ERCC6: variants seen among roughly 807,000 people sequenced by gnomAD.
ERCC6 encodes the protein DNA excision repair protein ERCC-6.
ERCC6 carries 116 observed loss-of-function variants against 158.7 expected under a neutral mutation model. The observed-to-expected ratio is 0.73, with a 90% CI of 0.63 to 0.85. The LOEUF (loss-of-function observed/expected upper bound fraction) is 0.85, where lower values mean the gene tolerates loss of function less well. Ranked by LOEUF, ERCC6 falls within the 40% of genes least tolerant of loss-of-function variation. The probability of loss-of-function intolerance (pLI) is 0.00; values close to 1 mark genes in which losing one functional copy is unlikely to be tolerated. For missense variants in ERCC6, 1,698 were observed against 1,799.4 expected (o/e 0.94, Z 1.02); for synonymous variants, 678 against 659.3 (o/e 1.03, Z -0.43).
chr10:49,478,351 G>C lies in ERCC6; in HGVS notation c.2286+3C>G. ...TGCTTCGTTAACTCCTGGATTTACA[G>C]ACCTGTTCATTTTTATCTGGCAAAG... On this transcript the variant is annotated splice_donor_region_variant and intron_variant, in intron 11 of 20. Transcript: ENST00000355832. 1 of 1,575,456 alleles carries C rather than the reference G, an allele frequency of 6.3e-7. No individual in the cohort carries two copies. The highest frequency in any genetic ancestry group is 8.7e-7 in the Non-Finnish European group (1 of 1,144,786).
chr10:49,532,460 G>A, intron 2 of ERCC6, 83 bp downstream of exon 2: 8 of 1,594,146 alleles, frequency 5.0e-6, no homozygotes, highest in Non-Finnish European at 6.8e-6. Flanking sequence ...CTAAACTTCT[G>A]GAATACTAGA....
chr10:49,538,783 T>G (rs1837665875), intron 1 of ERCC6, among the ~76,000 whole-genome samples, 179 bp downstream of exon 1: 1 of 152,196 alleles, frequency 6.6e-6, no homozygotes, highest in Non-Finnish European at 1.5e-5. Flanking sequence ...CTACTTCCGG[T>G]CTCAGGTGAG....
At chr10:49,525,390 T>C (rs1837291371) in intron 4 of ERCC6, among the ~76,000 whole-genome samples, 1 of 152,216 alleles carries the variant, frequency 6.6e-6, no homozygotes, top group Admixed American at 6.5e-5. Flanking sequence ...TAATGGCTAC[T>C]ATAATGGGCA....
intron 4 of ERCC6, among the ~76,000 whole-genome samples, chr10:49,525,448 C>G (rs918250446): frequency 6.6e-6 from 1 of 152,148 alleles, no homozygotes; most frequent in African/African-American, 2.4e-5. Flanking sequence ...TGGACAGCAG[C>G]ACTGTGTTAG....
At chr10:49,485,383 G>C in intron 8 of ERCC6, among the ~76,000 whole-genome samples, 1 of 152,040 alleles carries the variant, frequency 6.6e-6, no homozygotes, top group East Asian at 1.9e-4. Flanking sequence ...AAAAGAAAAA[G>C]TTTAAAAAGA....
intron 8 of ERCC6, 140 bp from the exon 9 acceptor site, chr10:49,483,656 A>G (rs1851021518): frequency 1.2e-6 from 1 of 867,166 alleles, no homozygotes; most frequent in African/African-American, 1.7e-5. Flanking sequence ...CAGCACTGGA[A>G]GTGTACTTGT....
intron 14 of ERCC6, 117 bp from the exon 15 acceptor site, chr10:49,473,145 G>T: frequency 7.2e-7 from 1 of 1,385,278 alleles, no homozygotes; most frequent in South Asian, 1.2e-5. Context: ...TATAAGGAAT[G>T]GTAATGTCCT....
intron 8 of ERCC6, among the ~76,000 whole-genome samples, chr10:49,485,140 T>C (rs1444277785): frequency 1.3e-5 from 2 of 152,144 alleles, no homozygotes; most frequent in Non-Finnish European, 2.9e-5. Flanking sequence ...ACAGCAATGC[T>C]CCTGCACCAC....
At chr10:49,515,899 T>C (rs1836943046) in intron 5 of ERCC6, 1 of 1,614,206 alleles carries the variant, frequency 6.2e-7, no homozygotes, top group Non-Finnish European at 8.5e-7. Flanking sequence ...ATATTGCCTT[T>C]GCCATCAATT....
chr10:49,481,169 G>C (rs1052516429), intron 10 of ERCC6, among the ~76,000 whole-genome samples: 1 of 152,312 alleles, frequency 6.6e-6, no homozygotes, highest in East Asian at 1.9e-4. Context: ...CATGGAAAGA[G>C]GTGTGGGAGA....
At chr10:49,503,961 G>A (rs565610894) in intron 6 of ERCC6, 1 of 152,230 alleles carries the variant, frequency 6.6e-6, no homozygotes, top group Admixed American at 6.5e-5. Flanking sequence ...TTTGTCATTT[G>A]ACTGCTAAAT....
chr10:49,508,446 G>A (rs926947340), intron 5 of ERCC6, among the ~76,000 whole-genome samples: 2 of 151,990 alleles, frequency 1.3e-5, no homozygotes, highest in Non-Finnish European at 2.9e-5. Context: ...ACAGAACTCA[G>A]CACCTAGGAA....
chr10:49,527,283 C>T (rs1410350402), intron 4 of ERCC6, among the ~76,000 whole-genome samples: 2 of 152,198 alleles, frequency 1.3e-5, no homozygotes, highest in Non-Finnish European at 2.9e-5. Context: ...GACGGCCAGA[C>T]AGGAACAAAC....
chr10:49,449,114 A>T, the ERCC6 span, among the ~76,000 whole-genome samples: 1 of 152,138 alleles, frequency 6.6e-6, no homozygotes, highest in Non-Finnish European at 1.5e-5. Flanking sequence ...GTGGCTTCCA[A>T]TCTCTCTACA....
At chr10:49,495,862 G>A (rs936128819) in intron 7 of ERCC6, among the ~76,000 whole-genome samples, 2 of 152,126 alleles carry the variant, frequency 1.3e-5, no homozygotes, top group Non-Finnish European at 2.9e-5. Context: ...CTGGGTTACT[G>A]CATCTCCGAG....
chr10:49,474,021 A>G lies in ERCC6; in HGVS notation c.2598+6T>C. ...CCTGTTTCCCGTCTGAAGTCTGTGC[A>G]CTCACCTGCCTTGACTGAGAAAACA... On this transcript the variant is annotated splice_donor_region_variant and intron_variant, in intron 13 of 20. Coordinates refer to ENST00000355832, the MANE Select transcript of ERCC6 (RefSeq NM_000124.4). The G allele has an allele frequency of 6.2e-7, 1 of 1,613,332 alleles. No individual in the cohort carries two copies. The highest frequency in any genetic ancestry group is 1.1e-5 in the South Asian group (1 of 91,066).
Position 49,473,512 on chromosome 10 carries a change from C to G in ERCC6, c.2674G>C (p.Ala892Pro). The change falls in exon 14 of 21, where the codon GCT (alanine) becomes CCT (proline). Residue 892 changes from alanine to proline, a missense_variant. Ala to Pro is a conservative substitution (Grantham distance 27, BLOSUM62 -1). Coordinates refer to ENST00000355832, the MANE Select transcript of ERCC6 (RefSeq NM_000124.4). ...YLKMDGTTTI[A>P]SRQPLITRYN... ...CTCGTAATCAGTGGCTGTCTTGAAG[C>G]TATTGTAGTGGTACCATCCATCTTG... The G allele has an allele frequency of 6.2e-7, 1 of 1,612,810 alleles. No individual in the cohort carries two copies. Among genetic ancestry groups the G allele is most frequent in the Non-Finnish European group, 8.5e-7 (1 of 1,178,838 alleles).
chr10:49,538,198 G>A (rs1045641247), intron 1 of ERCC6, among the ~76,000 whole-genome samples: 1 of 152,192 alleles, frequency 6.6e-6, no homozygotes, highest in African/African-American at 2.4e-5. Context: ...TGGGGCTCCC[G>A]CAGCCAGGGG....
intron 9 of ERCC6, among the ~76,000 whole-genome samples, 173 bp from the exon 10 acceptor site, chr10:49,483,036 T>C (rs1025951800): frequency 6.6e-6 from 1 of 152,216 alleles, no homozygotes; most frequent in Non-Finnish European, 1.5e-5. Flanking sequence ...TAATTACATT[T>C]AGATGAAAAA....
Sources: allele counts gnomAD v4.1 joint callset (sites outside exome capture counted in the v4.1 genomes callset), GRCh38; gene constraint gnomAD v4.1.1; transcripts MANE v1.5; gene names NCBI Gene and HGNC (gene_info 2026-07-23, HGNC 2026-07-21).